The following TSC1 variants were observed in gnomAD, a reference collection of about 807,000 sequenced individuals.
TSC1 encodes the protein TSC complex subunit 1.
In TSC1, 20 loss-of-function variants were observed where a neutral mutation model predicts 124.3. That is an observed-to-expected ratio of 0.16 (90% CI 0.11 to 0.23). The LOEUF (loss-of-function observed/expected upper bound fraction) is 0.23. Ranked by LOEUF, TSC1 falls within the 10% of genes least tolerant of loss-of-function variation. TSC1 has a pLI of 1.00. For missense variants in TSC1, 1,124 were observed against 1,448.5 expected (o/e 0.78, Z 3.64); for synonymous variants, 493 against 539.1 (o/e 0.91, Z 1.19).
chr9:132,920,726 C>G (rs1330130907), intron 8 of TSC1, among the ~76,000 whole-genome samples: 1 of 151,918 alleles, frequency 6.6e-6, no homozygotes, highest in Admixed American at 6.6e-5. Flanking sequence ...GCCTGGCTAC[C>G]AGGCAGAGAC....
At position 132,902,310 on chromosome 9, in the gene TSC1, C is replaced by T. The variant is rs141380745; in HGVS notation, c.2391+295G>A. ...TAAGTTCTTAGGACATTCGTACTCA[C>T]TAAGTTATTCAGATCTACTTAATGA... is the stretch of plus-strand genomic sequence containing the variant. On this transcript the variant is annotated intron_variant, in intron 18 of 22. Transcript: ENST00000298552. This position sits in a 1 kb window ranked among gnomAD's most constrained non-coding sequence, Gnocchi z 5.2. Among the ~76,000 whole-genome samples, 1 of 152,306 alleles carries T rather than the reference C, an allele frequency of 6.6e-6. No homozygotes were observed. Among genetic ancestry groups the T allele is most frequent in the East Asian group, 1.9e-4 (1 of 5,186 alleles).
intron 1 of TSC1, chr9:132,940,845 T>C (rs1022068579): frequency 1.3e-5 from 2 of 152,234 alleles, no homozygotes; most frequent in South Asian, 2.1e-4. Context: ...ATTTGAAACA[T>C]TGATACAACC....
chr9:132,931,367 T>C (rs1051689790), intron 2 of TSC1: 1 of 152,158 alleles, frequency 6.6e-6, no homozygotes, highest in Non-Finnish European at 1.5e-5. Context: ...TTGGCGATAG[T>C]GTGGGCTAAT....
At position 132,892,312 on chromosome 9, in the gene TSC1, A is replaced by G. The variant is rs1349167106; in HGVS notation, c.*3923T>C. 4.3e-6 allele frequency: 1 copy of G among 233,264 alleles called. No individual in the cohort carries two copies. The highest frequency in any genetic ancestry group is 8.5e-6 in the Non-Finnish European group (1 of 118,088). 14.4% of individuals were successfully genotyped at this position (233,264 alleles called of 1,614,324 possible). ...ATCAATGCCTTGGGATCTTTGCAGC[A>G]ATCTGGGGGGCATGTGTCACAGAAC... On this transcript the variant is annotated 3_prime_UTR_variant, in exon 23 of 23. Transcript: ENST00000298552.
At position 132,894,372 on chromosome 9, in the gene TSC1, T is replaced by G. The variant is rs996353647; in HGVS notation, c.*1863A>C. ...AGTTTCAGGATTCACTGATGGGATT[T>G]CCTTCCCTTTCTAAGTTTGTTCACG... On this transcript the variant is annotated 3_prime_UTR_variant, in exon 23 of 23. Transcript: ENST00000298552. The G allele has an allele frequency of 4.3e-6, 1 of 230,766 alleles. No homozygotes were observed. Among genetic ancestry groups the G allele is most frequent in the Admixed American group, 5.6e-5 (1 of 17,722 alleles). 14.3% of individuals were successfully genotyped at this position (230,766 alleles called of 1,614,324 possible).
rs553802778 is a variant in TSC1, at chr9:132,935,020, G to A, written c.-81+13C>T. The A allele has an allele frequency of 5.0e-6, 2 of 399,066 alleles. No individual in the cohort carries two copies. The highest frequency in any genetic ancestry group is 2.5e-4 in the South Asian group (2 of 7,856). 24.7% of individuals were successfully genotyped at this position (399,066 alleles called of 1,614,324 possible). A position where few individuals can be genotyped will look rare whatever the true frequency, so the allele number is the denominator to read the frequency against. ...CCCATCTTCCTCTAACCACTGGCCT[G>A]GTTATAGCTTACCTGTTCTAGCGAC... On this transcript the variant is annotated intron_variant, in intron 2 of 22. Coordinates refer to ENST00000298552, the MANE Select transcript of TSC1 (RefSeq NM_000368.5).
intron 1 of TSC1, among the ~76,000 whole-genome samples, chr9:132,940,569 G>A (rs1847681330): frequency 6.6e-6 from 1 of 152,052 alleles, no homozygotes. Flanking sequence ...TAAATGTTTG[G>A]GCTGTGGAGT....
rs1021846144 is a variant in TSC1 at position 132,892,958 on chromosome 9, G to C, written c.*3277C>G. 2.1e-5 allele frequency: 5 copies of C among 233,192 alleles called. No individual in the cohort carries two copies. The Admixed American group carries it at 2.8e-4, about 13-fold the overall frequency. 14.4% of individuals were successfully genotyped at this position (233,192 alleles called of 1,614,324 possible). Reference sequence around the variant, plus strand: ...GCTGTTGCAAATGGGGACGGCCCAAGAGTCTGGAGTTTTGTTCCCTGCTGC... The same window carrying C: ...GCTGTTGCAAATGGGGACGGCCCAACAGTCTGGAGTTTTGTTCCCTGCTGC... On this transcript the variant is annotated 3_prime_UTR_variant, in exon 23 of 23. Transcript: ENST00000298552.
chr9:132,898,411 T>C lies in TSC1; in HGVS notation c.2626-801A>G, dbSNP rs545737366. ...TGGTAAAATATACAAAACACAAAACTTGCCATATATTTGTTTTTTAAAAAA... is the reference window on the plus strand; with the variant it reads ...TGGTAAAATATACAAAACACAAAACCTGCCATATATTTGTTTTTTAAAAAA... On this transcript the variant is annotated intron_variant, in intron 20 of 22. Transcript: ENST00000298552. 1.6e-4 allele frequency among the ~76,000 whole-genome samples: 25 copies of C among 152,364 alleles called. 1 individual carries two copies. In the South Asian group the frequency reaches 4.8e-3, roughly 29 times the overall value.
At position 132,944,538 on chromosome 9, in the gene TSC1, C is replaced by T. The variant is rs1012269726; in HGVS notation, c.-144+5G>A. The T allele has an allele frequency of 1.3e-5, 5 of 398,610 alleles. No individual in the cohort carries two copies. Among genetic ancestry groups the T allele is most frequent in the African/African-American group, 6.2e-5 (3 of 48,650 alleles). 24.7% of individuals were successfully genotyped at this position (398,610 alleles called of 1,614,324 possible). A position where few individuals can be genotyped will look rare whatever the true frequency, so the allele number is the denominator to read the frequency against. ...AAAAGGAGGGGGAGACACCCCCATA[C>T]TCACCCACCGTCTCCTCCCCCTCAG... On this transcript the variant is annotated splice_donor_5th_base_variant and intron_variant, in intron 1 of 22. Transcript: ENST00000298552.
Position 132,921,946 on chromosome 9 carries a change from T to C in TSC1, c.536A>G (p.His179Arg). 6.2e-7 allele frequency: 1 copy of C among 1,614,110 alleles called. No homozygotes were observed. Among genetic ancestry groups the C allele is most frequent in the East Asian group, 2.2e-5 (1 of 44,870 alleles). Residue 179 changes from histidine to arginine, a missense_variant, in exon 7 of 23, where the codon CAT becomes CGT. By Grantham distance (29) the His-to-Arg change is conservative. This residue lies in a region of TSC1 where 463 missense variants were observed against 606.8 expected (regional missense o/e 0.76). Coordinates refer to ENST00000298552, the MANE Select transcript of TSC1 (RefSeq NM_000368.5). This position sits in a 1 kb window ranked among gnomAD's most constrained non-coding sequence, Gnocchi z 4.3. ...PGHVAEVYLV[H>R]LHASVYALFH... ...GAGTGCGTACACACTGGCATGGAGA[T>C]GGACGAGATAGACTTCCGCCACGTG...
intron 20 of TSC1, 51 bp from the exon 21 acceptor site, chr9:132,897,661 CA>C: frequency 1.3e-6 from 2 of 1,512,698 alleles, no homozygotes; most frequent in Non-Finnish European, 1.7e-6. Context: ...AAAAAATAAA[CA>C]TGCTGTATCC....
In TSC1 at chr9:132,928,829, T is replaced by C; in HGVS notation, c.44A>G (p.Asp15Gly). 2.5e-6 allele frequency: 4 copies of C among 1,613,928 alleles called. No homozygotes were observed. The highest frequency in any genetic ancestry group is 3.4e-6 in the Non-Finnish European group (4 of 1,180,000). Residue 15 changes from aspartate to glycine, a missense_variant, in exon 3 of 23, where the codon GAC becomes GGC. Asp to Gly is a moderately conservative substitution (Grantham distance 94). Transcript: ENST00000298552. ...GTCCCGCACACCCAGCATGGGGGAG[T>C]CCAGCATGGCAAGAAGCTCCCCGAC... ...ANVGELLAML[D>G]SPMLGVRDDV... is the part of the protein sequence containing the mutation.
chr9:132,928,988 C>T, intron 2 of TSC1, 36 bp from the exon 3 acceptor site: 1 of 1,523,730 alleles, frequency 6.6e-7, no homozygotes, highest in Non-Finnish European at 8.8e-7. Context: ...ACTAAATGGC[C>T]CCATTTTTCT....
At chr9:132,933,096 C>T (rs1295689902) in intron 2 of TSC1, among the ~76,000 whole-genome samples, 1 of 152,190 alleles carries the variant, frequency 6.6e-6, no homozygotes, top group African/African-American at 2.4e-5. Flanking sequence ...GACAGAGTCT[C>T]GCTCCATCAC....
chr9:132,943,660 T>C (rs1206183049), intron 1 of TSC1: 1 of 152,194 alleles, frequency 6.6e-6, no homozygotes, highest in Non-Finnish European at 1.5e-5. Context: ...CTTCTCTTTG[T>C]CGTGAGGACC....
chr9:132,901,559 C>T (rs1845371368), intron 19 of TSC1, 30 bp downstream of exon 19: 2 of 1,567,734 alleles, frequency 1.3e-6, no homozygotes, highest in Non-Finnish European at 1.8e-6. Context: ...GGTGTTTCAG[C>T]AGATTCAGGT....
chr9:132,942,943 T>C (rs1847816312), intron 1 of TSC1, among the ~76,000 whole-genome samples: 1 of 152,240 alleles, frequency 6.6e-6, no homozygotes, highest in Admixed American at 6.5e-5. Flanking sequence ...TGCATTTCCC[T>C]ACACAACCCT....
rs766250769 is a variant in TSC1, at chr9:132,921,831, T to C, written c.651A>G (p.Glu217=). ...AGTTTCAATTTACCTTGACCACTTCTTCAAAAGTCTCCAGGTTTTCTTTCA... is the reference window on the plus strand; with the variant it reads ...AGTTTCAATTTACCTTGACCACTTCCTCAAAAGTCTCCAGGTTTTCTTTCA... ...YSMKENLETF[E]EVVKPMMEHV... is the part of the protein sequence containing the mutation. Residue 217 remains glutamate, a synonymous_variant, in exon 7 of 23, where the codon GAA becomes GAG. Coordinates refer to ENST00000298552, the MANE Select transcript of TSC1 (RefSeq NM_000368.5). This position sits in a 1 kb window ranked among gnomAD's most constrained non-coding sequence, Gnocchi z 4.3. 18 of 1,614,090 alleles carry C rather than the reference T, an allele frequency of 1.1e-5. No homozygotes were observed. Among genetic ancestry groups the C allele is most frequent in the Middle Eastern group, 1.6e-4 (1 of 6,082 alleles).
Sources: allele counts gnomAD v4.1 joint callset (sites outside exome capture counted in the v4.1 genomes callset), GRCh38; gene constraint gnomAD v4.1.1; regional missense constraint gnomAD v4.1.1; non-coding constraint Gnocchi (gnomAD v3.1); transcripts MANE v1.5; gene names NCBI Gene and HGNC (gene_info 2026-07-23, HGNC 2026-07-21).